The following COL14A1 variants were observed in gnomAD, a reference collection of about 807,000 sequenced individuals.
COL14A1 encodes collagen type XIV alpha 1 chain.
In COL14A1, 136 loss-of-function variants were observed where a neutral mutation model predicts 230.3. That is an observed-to-expected ratio of 0.59 (90% CI 0.51 to 0.68). The LOEUF (loss-of-function observed/expected upper bound fraction) is 0.68, where lower values mean the gene tolerates loss of function less well. COL14A1 is among the 30% of genes least tolerant of loss of function. COL14A1 has a pLI of 0.00. For synonymous variants in COL14A1, 792 were observed against 784.1 expected (o/e 1.01, Z -0.17); for missense variants, 1,976 against 2,215.8 (o/e 0.89, Z 2.17).
At chr8:120,134,839 G>A (rs1349044971) in intron 1 of COL14A1, among the ~76,000 whole-genome samples, 3 of 152,168 alleles carry the variant, frequency 2.0e-5, no homozygotes, top group Admixed American at 2.0e-4. Context: ...GTTGGGTATG[G>A]TGGTGCATGC....
In COL14A1 at chr8:120,342,382, T is replaced by C. The variant is rs61733751; in HGVS notation, c.4824T>C (p.Gly1608=). The change falls in exon 44 of 48, where the codon GGT becomes GGC. Residue 1608 remains glycine, a splice_region_variant and synonymous_variant. Coordinates refer to ENST00000297848, the MANE Select transcript of COL14A1 (RefSeq NM_021110.4). ...PGAKGERGER[G]DLQSQAMVRS... ...AGTATGCTTTTTTTCTCATCCAGGGTGACCTGCAGTCTCAAGCCATGGTGA... is the reference window on the plus strand; with the variant it reads ...AGTATGCTTTTTTTCTCATCCAGGGCGACCTGCAGTCTCAAGCCATGGTGA... 2.9e-3 allele frequency: 4,669 copies of C among 1,613,880 alleles called. 94 individuals carry two copies. The African/African-American group carries it at 0.049, about 17-fold the overall frequency.
intron 36 of COL14A1, among the ~76,000 whole-genome samples, chr8:120,304,851 A>T (rs1000221706): frequency 6.6e-6 from 1 of 152,174 alleles, no homozygotes; most frequent in Non-Finnish European, 1.5e-5. Flanking sequence ...CTTACGTAGG[A>T]TTCCAAGAAA....
chr8:120,130,896 C>T (rs1814506695), intron 1 of COL14A1, among the ~76,000 whole-genome samples: 1 of 152,050 alleles, frequency 6.6e-6, no homozygotes, highest in Admixed American at 6.6e-5. Flanking sequence ...GCTATTAGTC[C>T]CCACTGTCTG....
At chr8:120,284,485 A>G (rs931407132) in intron 32 of COL14A1, among the ~76,000 whole-genome samples, 1 of 152,198 alleles carries the variant, frequency 6.6e-6, no homozygotes, top group Non-Finnish European at 1.5e-5. Context: ...AATTTTCTAT[A>G]TCTAGTTTTA....
chr8:120,260,564 C>T (rs1819291072), intron 23 of COL14A1, among the ~76,000 whole-genome samples: 1 of 152,084 alleles, frequency 6.6e-6, no homozygotes, highest in Admixed American at 6.6e-5. Context: ...AGTTTTTCAG[C>T]CCCTAGAAAT....
intron 5 of COL14A1, among the ~76,000 whole-genome samples, chr8:120,177,651 TCAA>T (rs1816324262): frequency 2.7e-5 from 1 of 37,624 alleles, no homozygotes. Context: ...TTTGCCTGCT[TCAA>T]AAAAAAAAAA....
At chr8:120,305,035 A>G (rs940255483) in intron 36 of COL14A1, among the ~76,000 whole-genome samples, 1 of 151,542 alleles carries the variant, frequency 6.6e-6, no homozygotes, top group Non-Finnish European at 1.5e-5. Flanking sequence ...CTGGAGTGCA[A>G]TGGCACAATC....
At chr8:120,248,341 C>T (rs141310062) in intron 21 of COL14A1, among the ~76,000 whole-genome samples, 53 of 152,160 alleles carry the variant, frequency 3.5e-4, no homozygotes, top group South Asian at 4.2e-4. Flanking sequence ...AAGTAGAAAG[C>T]GATCGTACCC....
intron 33 of COL14A1, 146 bp from the exon 34 acceptor site, chr8:120,289,462 G>C: frequency 1.5e-6 from 1 of 682,274 alleles, no homozygotes; most frequent in Non-Finnish European, 2.4e-6. Context: ...GATAAAAGTA[G>C]AAATTTTCTC....
chr8:120,211,781 C>T (rs968628306), intron 12 of COL14A1, among the ~76,000 whole-genome samples: 11 of 151,972 alleles, frequency 7.2e-5, no homozygotes, highest in Non-Finnish European at 1.6e-4. Flanking sequence ...TTTTTCCTTC[C>T]AAAACATAAA....
At chr8:120,154,120 G>A (rs188060401) in intron 2 of COL14A1, among the ~76,000 whole-genome samples, 139 of 152,156 alleles carry the variant, frequency 9.1e-4, no homozygotes, top group Middle Eastern at 3.4e-3. Context: ...AAAAACTAGC[G>A]TTTTAATAAA....
Position 120,158,167 on chromosome 8 carries a change from T to C in COL14A1, c.126T>C (p.Ser42=), listed in dbSNP as rs1468019480. The C allele has an allele frequency of 6.2e-7, 1 of 1,607,876 alleles. No individual in the cohort carries two copies. The highest frequency in any genetic ancestry group is 1.1e-5 in the South Asian group (1 of 89,932). The change falls in exon 3 of 48, where the codon TCT becomes TCC. Residue 42 remains serine, a synonymous_variant. Transcript: ENST00000297848. ...PPTRLRYNVI[S]HDSIQISWKA... is the part of the protein sequence containing the mutation. Reference sequence around the variant, plus strand: ...CAAGGTTAAGATATAATGTAATATCTCATGACAGTATACAGATTTCATGGA... The same window carrying C: ...CAAGGTTAAGATATAATGTAATATCCCATGACAGTATACAGATTTCATGGA...
intron 23 of COL14A1, among the ~76,000 whole-genome samples, chr8:120,261,245 A>C (rs1486942629): frequency 3.3e-5 from 5 of 152,226 alleles, no homozygotes; most frequent in African/African-American, 1.2e-4. Flanking sequence ...ACCAGTTTAA[A>C]CAATCTCAGT....
At chr8:120,219,340 GGGA>G (rs1817858090) in intron 14 of COL14A1, among the ~76,000 whole-genome samples, 10 of 152,160 alleles carry the variant, frequency 6.6e-5, no homozygotes, top group Admixed American at 2.6e-4. Flanking sequence ...CTGGGCTCAA[GGGA>G]TTCATCTGCC....
At chr8:120,240,480 G>A (rs538387830) in intron 19 of COL14A1, among the ~76,000 whole-genome samples, 219 of 152,126 alleles carry the variant, frequency 1.4e-3, no homozygotes, top group Non-Finnish European at 2.5e-3. Flanking sequence ...AAAGTCTGAG[G>A]GTCTTGAAAT....
intron 23 of COL14A1, 81 bp downstream of exon 23, chr8:120,255,437 G>A: frequency 9.4e-7 from 1 of 1,067,372 alleles, no homozygotes; most frequent in Admixed American, 1.7e-5. Flanking sequence ...CAACACACAA[G>A]TAGCATTAGA....
chr8:120,243,734 T>C, intron 19 of COL14A1, 145 bp from the exon 20 acceptor site: 2 of 878,976 alleles, frequency 2.3e-6, no homozygotes, highest in Admixed American at 2.4e-5. Flanking sequence ...GAAACGCTTT[T>C]GCATGAGTGC....
At chr8:120,150,234 CTG>C (rs958894584) in intron 2 of COL14A1, among the ~76,000 whole-genome samples, 6 of 152,096 alleles carry the variant, frequency 3.9e-5, no homozygotes, top group African/African-American at 1.4e-4. Context: ...TTAAACAACT[CTG>C]TTTTTGAGAA....
chr8:120,210,008 G>T (rs1378257185), intron 12 of COL14A1, 107 bp downstream of exon 12: 10 of 947,696 alleles, frequency 1.1e-5, no homozygotes, highest in Non-Finnish European at 1.4e-5. Flanking sequence ...TTTCAGATTA[G>T]CCAAAAGAAA....
Sources: gnomAD v4.1 joint callset for allele counts (sites outside exome capture counted in the v4.1 genomes callset) on GRCh38, gnomAD v4.1.1 for gene constraint, MANE v1.5 for transcripts, NCBI Gene and HGNC (gene_info 2026-07-23, HGNC 2026-07-21) for gene names.